Variants in CFAP95 observed in about 807,000 individuals in gnomAD.
The protein encoded by CFAP95 is cilia and flagella associated protein 95, also known as cilia- and flagella-associated protein 95.
chr9:69,841,164 TTA>T, the CFAP95 span, among the ~76,000 whole-genome samples: 3,606 of 55,960 alleles, frequency 0.064, 245 homozygotes, highest in African/African-American at 0.15. Flanking sequence ...CCAAGCTGGA[TTA>T]TATATATATA....
At chr9:69,829,945 C>T in the CFAP95 span, among the ~76,000 whole-genome samples, 25 of 152,066 alleles carry the variant, frequency 1.6e-4, no homozygotes, top group Non-Finnish European at 3.5e-4. Flanking sequence ...GTCAGCTTGC[C>T]CTAGCTTAAG....
chr9:69,880,507 T>C, the CFAP95 span, among the ~76,000 whole-genome samples: 1 of 152,258 alleles, frequency 6.6e-6, no homozygotes, highest in East Asian at 1.9e-4. Flanking sequence ...TTTTAATGGC[T>C]GAATAGTGGT....
the CFAP95 span, among the ~76,000 whole-genome samples, chr9:69,842,657 A>C: frequency 2.6e-5 from 4 of 152,244 alleles, no homozygotes; most frequent in African/African-American, 9.6e-5. Context: ...ATGGAAGCAC[A>C]GAAAGGTTAA....
the CFAP95 span, among the ~76,000 whole-genome samples, chr9:69,831,216 C>T: frequency 6.6e-6 from 1 of 151,788 alleles, no homozygotes; most frequent in African/African-American, 2.4e-5. Flanking sequence ...TTATCTATTG[C>T]AAAGTAAATT....
the CFAP95 span, among the ~76,000 whole-genome samples, chr9:69,830,260 C>T: frequency 8.5e-5 from 13 of 152,150 alleles, 1 homozygote; most frequent in East Asian, 2.5e-3. Flanking sequence ...GGACCAAGTA[C>T]CTGTTTGGAG....
At chr9:69,863,282 TA>T in the CFAP95 span, among the ~76,000 whole-genome samples, 1 of 152,150 alleles carries the variant, frequency 6.6e-6, no homozygotes, top group Non-Finnish European at 1.5e-5. Context: ...AAACTGTTAA[TA>T]ATACAGATGC....
chr9:69,897,986 T>C, the CFAP95 span, among the ~76,000 whole-genome samples: 1 of 152,266 alleles, frequency 6.6e-6, no homozygotes, highest in South Asian at 2.1e-4. Context: ...TCCCCTATGG[T>C]GATTCTTTTG....
the CFAP95 span, among the ~76,000 whole-genome samples, chr9:69,853,551 A>C: frequency 2.0e-5 from 3 of 152,218 alleles, no homozygotes; most frequent in Non-Finnish European, 4.4e-5. Flanking sequence ...GCCAATCTCC[A>C]GTCTGTGATA....
At chr9:69,836,605 T>TA in the CFAP95 span, among the ~76,000 whole-genome samples, 1 of 151,086 alleles carries the variant, frequency 6.6e-6, no homozygotes, top group Non-Finnish European at 1.5e-5. Flanking sequence ...TAATGGCATT[T>TA]AAAAAAATAA....
the CFAP95 span, among the ~76,000 whole-genome samples, chr9:69,883,249 C>T: frequency 6.6e-6 from 1 of 152,188 alleles, no homozygotes; most frequent in African/African-American, 2.4e-5. Flanking sequence ...AGCATTCTCT[C>T]ATACAGACTA....
the CFAP95 span, among the ~76,000 whole-genome samples, chr9:69,843,544 TCCTCCTC>T: frequency 1.1e-4 from 3 of 27,896 alleles, no homozygotes; most frequent in Admixed American, 9.0e-4. Flanking sequence ...CTCCTCCTCC[TCCTCCTC>T]CTCCTCCTTC....
At chr9:69,887,550 A>T in the CFAP95 span, among the ~76,000 whole-genome samples, 1 of 152,370 alleles carries the variant, frequency 6.6e-6, no homozygotes, top group African/African-American at 2.4e-5. Flanking sequence ...AACAGTTAAT[A>T]AATTATAAAA....
the CFAP95 span, among the ~76,000 whole-genome samples, chr9:69,841,680 G>T: frequency 1.3e-5 from 2 of 152,170 alleles, no homozygotes; most frequent in East Asian, 3.9e-4. Context: ...AAGGAAAGAG[G>T]TTTAATTGAC....
At chr9:69,870,481 G>A in the CFAP95 span, among the ~76,000 whole-genome samples, 13 of 152,292 alleles carry the variant, frequency 8.5e-5, no homozygotes, top group African/African-American at 2.9e-4. Context: ...GGATCTTTTT[G>A]TGTTTCTTCT....
the CFAP95 span, among the ~76,000 whole-genome samples, chr9:69,853,988 C>A: frequency 6.6e-6 from 1 of 152,174 alleles, no homozygotes; most frequent in Non-Finnish European, 1.5e-5. Context: ...TGTCCAGAAC[C>A]AGTAACTGAT....
the CFAP95 span, among the ~76,000 whole-genome samples, chr9:69,866,612 T>A: frequency 6.6e-6 from 1 of 152,228 alleles, no homozygotes; most frequent in Non-Finnish European, 1.5e-5. Flanking sequence ...TCTTCTTTAC[T>A]CAGTCCACTG....
chr9:69,905,342 C>T, the CFAP95 span, among the ~76,000 whole-genome samples: 10 of 152,116 alleles, frequency 6.6e-5, no homozygotes, highest in Non-Finnish European at 1.3e-4. Flanking sequence ...TGCCATTACC[C>T]TTGGTGTAAT....
the CFAP95 span, among the ~76,000 whole-genome samples, chr9:69,899,668 T>C: frequency 6.6e-6 from 1 of 152,366 alleles, no homozygotes; most frequent in Non-Finnish European, 1.5e-5. Flanking sequence ...GCTAAAATGT[T>C]TGTGCAAACA....
chr9:69,887,464 A>G, the CFAP95 span, among the ~76,000 whole-genome samples: 1 of 152,262 alleles, frequency 6.6e-6, no homozygotes, highest in Non-Finnish European at 1.5e-5. Flanking sequence ...ATAATTATCT[A>G]TTCAGGAGAA....
Sources: gnomAD v4.1 joint callset for allele counts (sites outside exome capture counted in the v4.1 genomes callset) on GRCh38, gnomAD v4.1.1 for gene constraint, MANE v1.5 for transcripts, NCBI Gene and HGNC (gene_info 2026-07-23, HGNC 2026-07-21) for gene names.